The following VPS13B variants were observed in gnomAD, a reference collection of about 807,000 sequenced individuals.
VPS13B encodes vacuolar protein sorting 13 homolog B.
VPS13B carries 285 observed loss-of-function variants against 426.4 expected under a neutral mutation model. The observed-to-expected ratio is 0.67, with a 90% confidence interval of 0.61 to 0.74. The LOEUF (loss-of-function observed/expected upper bound fraction) is 0.74, where lower values mean the gene tolerates loss of function less well. VPS13B is among the 30% of genes least tolerant of loss of function. The pLI, the probability that VPS13B is intolerant of heterozygous loss-of-function variation, is 0.00. For synonymous variants in VPS13B, 1,676 were observed against 1,676.4 expected (o/e 1.00, Z 0.01); for missense variants, 4,537 against 4,782.6 (o/e 0.95, Z 1.51).
chr8:99,140,290 G>A (rs913893051), intron 12 of VPS13B, among the ~76,000 whole-genome samples: 4 of 150,578 alleles, frequency 2.7e-5, no homozygotes, highest in South Asian at 2.1e-4. Context: ...ACTTGAAACC[G>A]GAAGGTGGAG....
chr8:99,767,071 C>A, intron 40 of VPS13B, 101 bp downstream of exon 40: 1 of 1,138,022 alleles, frequency 8.8e-7, no homozygotes, highest in Non-Finnish European at 1.3e-6. Flanking sequence ...TCTCAGCTGT[C>A]TAGCAGCTGC....
chr8:99,613,558 A>T (rs985559346), intron 33 of VPS13B, among the ~76,000 whole-genome samples: 2 of 152,154 alleles, frequency 1.3e-5, no homozygotes, highest in Admixed American at 1.3e-4. Flanking sequence ...GGTGCTTAAT[A>T]TGTTTTGTTG....
At chr8:99,416,437 G>A (rs547572386) in intron 21 of VPS13B, among the ~76,000 whole-genome samples, 16 of 152,092 alleles carry the variant, frequency 1.1e-4, no homozygotes, top group African/African-American at 2.7e-4. Context: ...GGTCTGTCTC[G>A]CTGGCATTCC....
intron 2 of VPS13B, among the ~76,000 whole-genome samples, chr8:99,018,828 A>T (rs1841746359): frequency 6.6e-6 from 1 of 152,170 alleles, no homozygotes; most frequent in Non-Finnish European, 1.5e-5. Flanking sequence ...CAAATATTAC[A>T]CTTAATGAGT....
chr8:99,193,158 T>C (rs1174968442), intron 17 of VPS13B, 101 bp downstream of exon 17: 18 of 1,152,466 alleles, frequency 1.6e-5, no homozygotes, highest in Admixed American at 1.5e-4. Flanking sequence ...TCAACTTAAA[T>C]TGTAATATGT....
rs189629558 is a variant in VPS13B, at chr8:99,117,382, G to A, written c.937+1508G>A. ...TATAGTTGCTTTGGAAAACAATATGGCAGTTCTTCAAAACGTGAAACATAG... is the reference window on the plus strand; with the variant it reads ...TATAGTTGCTTTGGAAAACAATATGACAGTTCTTCAAAACGTGAAACATAG... On this transcript the variant is annotated intron_variant, in intron 7 of 61. Transcript: ENST00000357162. Among the ~76,000 whole-genome samples, 746 of 152,224 alleles carry A rather than the reference G, an allele frequency of 4.9e-3. 6 individuals are homozygous for A. The highest frequency in any genetic ancestry group is 7.6e-3 in the Non-Finnish European group (519 of 68,002).
intron 2 of VPS13B, among the ~76,000 whole-genome samples, chr8:99,036,409 G>A (rs1383141575): frequency 6.6e-6 from 1 of 152,058 alleles, no homozygotes; most frequent in Admixed American, 6.6e-5. Context: ...TTTCAAGAAG[G>A]GAAAAGAATG....
intron 16 of VPS13B, among the ~76,000 whole-genome samples, chr8:99,184,570 T>C (rs1813114397): frequency 6.6e-6 from 1 of 152,230 alleles, no homozygotes; most frequent in Non-Finnish European, 1.5e-5. Context: ...ATTTTTCATC[T>C]AATATTTTAA....
chr8:99,030,862 G>A (rs1418179016), intron 2 of VPS13B, among the ~76,000 whole-genome samples: 1 of 152,002 alleles, frequency 6.6e-6, no homozygotes, highest in Non-Finnish European at 1.5e-5. Flanking sequence ...TAATTTAGTA[G>A]TGTACTAATT....
At chr8:99,688,195 G>A (rs1831502922) in intron 35 of VPS13B, among the ~76,000 whole-genome samples, 1 of 150,198 alleles carries the variant, frequency 6.7e-6, no homozygotes, top group Non-Finnish European at 1.5e-5. Context: ...TAAGGAGGAG[G>A]CAATAAAGAG....
At chr8:99,161,031 A>G (rs1331519306) in intron 15 of VPS13B, among the ~76,000 whole-genome samples, 1 of 152,210 alleles carries the variant, frequency 6.6e-6, no homozygotes, top group Non-Finnish European at 1.5e-5. Flanking sequence ...CCATTATTTT[A>G]GTGATCTACC....
chr8:99,766,642 T>A, intron 39 of VPS13B, 132 bp from the exon 40 acceptor site: 2 of 745,686 alleles, frequency 2.7e-6, no homozygotes, highest in South Asian at 3.8e-5. Flanking sequence ...CCTAAACTAC[T>A]GTCTTTTATA....
chr8:99,704,384 T>C (rs1051238277), intron 36 of VPS13B, among the ~76,000 whole-genome samples: 4 of 152,164 alleles, frequency 2.6e-5, no homozygotes, highest in African/African-American at 9.7e-5. Flanking sequence ...CATTCTATAG[T>C]TAACTGGGTC....
chr8:99,207,236 T>G (rs978053009), intron 17 of VPS13B, among the ~76,000 whole-genome samples: 2 of 151,996 alleles, frequency 1.3e-5, no homozygotes, highest in African/African-American at 4.8e-5. Context: ...GGTTGCAATT[T>G]TGTGTGTGTG....
chr8:99,507,270 A>G lies in VPS13B; in HGVS notation c.4224+67A>G. Reference sequence around the variant, plus strand: ...TAAACTGTTTATCTTGTTATTTCATAAAATAGGACTAATGGTTACAAGAAT... The same window carrying G: ...TAAACTGTTTATCTTGTTATTTCATGAAATAGGACTAATGGTTACAAGAAT... On this transcript the variant is annotated intron_variant, in intron 28 of 61. Coordinates refer to ENST00000357162, the MANE Select transcript of VPS13B (RefSeq NM_152564.5). 2.0e-6 allele frequency: 3 copies of G among 1,487,230 alleles called. 1 individual carries two copies. The South Asian group carries it at 3.4e-5, about 17-fold the overall frequency. 92.1% of individuals were successfully genotyped at this position (1,487,230 alleles called of 1,614,324 possible). A position where few individuals can be genotyped will look rare whatever the true frequency, so the allele number is the denominator to read the frequency against.
chr8:99,875,800 A>G lies in VPS13B; in HGVS notation c.*134A>G. ...AATCCTCCCACCTCAACCCACAAGT[A>G]GCTACGACTGCAAGCACCTGCCACC... On this transcript the variant is annotated 3_prime_UTR_variant, in exon 62 of 62. Transcript: ENST00000357162. 8.4e-7 allele frequency: 1 copy of G among 1,184,554 alleles called. No individual in the cohort carries two copies. The highest frequency in any genetic ancestry group is 1.2e-6 in the Non-Finnish European group (1 of 825,892). 73.4% of individuals were successfully genotyped at this position (1,184,554 alleles called of 1,614,324 possible).
At chr8:99,233,530 A>T (rs998685739) in intron 17 of VPS13B, 1 of 1,159,518 alleles carries the variant, frequency 8.6e-7, no homozygotes, top group African/African-American at 1.5e-5. Context: ...GAACGGGCCA[A>T]ACTGGTGATG....
intron 17 of VPS13B, among the ~76,000 whole-genome samples, chr8:99,223,424 C>T (rs1563612350): frequency 6.6e-6 from 1 of 152,012 alleles, no homozygotes; most frequent in East Asian, 1.9e-4. Flanking sequence ...TCATTTAGTC[C>T]TCACAGCAGT....
At chr8:99,380,388 T>C (rs954753682) in intron 19 of VPS13B, among the ~76,000 whole-genome samples, 2 of 152,202 alleles carry the variant, frequency 1.3e-5, no homozygotes, top group African/African-American at 4.8e-5. Context: ...TTCAGTTGAC[T>C]TTAATTATGA....
Sources: gnomAD v4.1 joint callset for allele counts (sites outside exome capture counted in the v4.1 genomes callset) on GRCh38, gnomAD v4.1.1 for gene constraint, MANE v1.5 for transcripts, NCBI Gene and HGNC (gene_info 2026-07-23, HGNC 2026-07-21) for gene names.